The following PDE8B variants were observed in gnomAD, a reference collection of about 807,000 sequenced individuals.
PDE8B encodes the protein phosphodiesterase 8B.
A neutral mutation model predicts 101.3 loss-of-function variants in PDE8B; 26 were observed. That is an observed-to-expected ratio of 0.26 (90% confidence interval 0.19 to 0.36). PDE8B has a LOEUF of 0.36. PDE8B is among the 10% of genes least tolerant of loss of function. The pLI is 1.00. For synonymous variants in PDE8B, 424 were observed against 429.3 expected, an observed-to-expected ratio of 0.99 and a Z score of 0.15; for missense variants, 810 against 1,163.1, an observed-to-expected ratio of 0.70 and a Z score of 4.42.
At chr5:77,306,578 G>C (rs989867728) in intron 1 of PDE8B, among the ~76,000 whole-genome samples, 5 of 152,200 alleles carry the variant, frequency 3.3e-5, no homozygotes, top group African/African-American at 1.2e-4. Context: ...GTTAGCTGCT[G>C]AGGCAGGAAA....
intron 6 of PDE8B, among the ~76,000 whole-genome samples, chr5:77,340,624 TG>T (rs2150362004): frequency 1.3e-5 from 2 of 151,810 alleles, no homozygotes; most frequent in East Asian, 3.9e-4. Context: ...TGTGTGTGTG[TG>T]TGTGTGTGTG....
chr5:77,289,205 T>C (rs1164218631), intron 1 of PDE8B, among the ~76,000 whole-genome samples: 1 of 152,152 alleles, frequency 6.6e-6, no homozygotes, highest in East Asian at 1.9e-4. Context: ...AAACGTAAGG[T>C]GAAAAGGGAA....
At chr5:77,163,212 G>T in the PDE8B span, among the ~76,000 whole-genome samples, 1 of 152,172 alleles carries the variant, frequency 6.6e-6, no homozygotes, top group Non-Finnish European at 1.5e-5. Context: ...GGGGAACACA[G>T]CAATACAAGA....
upstream of PDE8B, among the ~76,000 whole-genome samples, chr5:77,208,851 C>T (rs547429151): frequency 5.3e-5 from 8 of 152,270 alleles, no homozygotes; most frequent in South Asian, 1.0e-3. Context: ...TAAAGGCCCA[C>T]CAGAACAACT....
At position 77,425,815 on chromosome 5, in the gene PDE8B, G is replaced by A. The variant is rs1797968996; in HGVS notation, c.2467G>A (p.Asp823Asn). The A allele has an allele frequency of 6.2e-7, 1 of 1,612,992 alleles. No homozygotes were observed. Among genetic ancestry groups the A allele is most frequent in the Non-Finnish European group, 8.5e-7 (1 of 1,179,094 alleles). The change falls in exon 21 of 22, where the codon GAC becomes AAC. Residue 823 changes from aspartate to asparagine, a missense_variant. Transcript: ENST00000264917. ...ACTACCTGTGGTGATGCCAGTGTTT[G>A]ACCGGAATACCTGTAGCATCCCCAA... ...QGLPVVMPVF[D>N]RNTCSIPKSQ...
At chr5:77,188,880 A>G in the PDE8B span, among the ~76,000 whole-genome samples, 1 of 152,198 alleles carries the variant, frequency 6.6e-6, no homozygotes, top group African/African-American at 2.4e-5. Flanking sequence ...CTGATGAGTA[A>G]GTCTGAGGGT....
intron 1 of PDE8B, among the ~76,000 whole-genome samples, chr5:77,217,649 C>T (rs1332792442): frequency 2.6e-5 from 4 of 152,014 alleles, no homozygotes; most frequent in Non-Finnish European, 5.9e-5. Flanking sequence ...TATCCTCCTG[C>T]CTCAGCCTCC....
At chr5:77,262,083 C>T (rs1760708523) in intron 1 of PDE8B, among the ~76,000 whole-genome samples, 1 of 152,016 alleles carries the variant, frequency 6.6e-6, no homozygotes, top group Non-Finnish European at 1.5e-5. Context: ...CCTTTATTCA[C>T]TTTACAAAGC....
intron 1 of PDE8B, among the ~76,000 whole-genome samples, chr5:77,281,081 C>A (rs1561463297): frequency 6.6e-6 from 1 of 152,192 alleles, no homozygotes; most frequent in Non-Finnish European, 1.5e-5. Flanking sequence ...ATGCGCAAGC[C>A]CCAGGCCACA....
Position 77,419,827 on chromosome 5 carries a change from A to G in PDE8B, c.2190A>G (p.Thr730=), listed in dbSNP as rs1796264844. The G allele has an allele frequency of 1.9e-6, 3 of 1,614,184 alleles. No individual in the cohort carries two copies. The highest frequency in any genetic ancestry group is 2.5e-6 in the Non-Finnish European group (3 of 1,179,990). ...ACATGGTTTTGGCAACAGAGATGAC[A>G]AAACACTTTGAACATGTGAATAAGT... is the stretch of plus-strand genomic sequence containing the variant. ...IIDMVLATEM[T]KHFEHVNKFV... is the part of the protein sequence containing the mutation. Residue 730 remains threonine, a synonymous_variant, in exon 19 of 22, where the codon ACA becomes ACG. Coordinates refer to ENST00000264917, the MANE Select transcript of PDE8B (RefSeq NM_003719.5).
chr5:77,220,299 G>T (rs1214587497), intron 1 of PDE8B, among the ~76,000 whole-genome samples: 2 of 152,204 alleles, frequency 1.3e-5, no homozygotes, highest in Non-Finnish European at 2.9e-5. Flanking sequence ...CCCTTGGGAG[G>T]AACAGGTGAG....
chr5:77,365,612 G>A (rs1783974240), intron 10 of PDE8B, among the ~76,000 whole-genome samples: 1 of 152,262 alleles, frequency 6.6e-6, no homozygotes, highest in African/African-American at 2.4e-5. Flanking sequence ...AGAAGCCATG[G>A]TGTTTGGGTA....
chr5:77,281,491 C>T (rs574522738), intron 1 of PDE8B, among the ~76,000 whole-genome samples: 1 of 152,214 alleles, frequency 6.6e-6, no homozygotes, highest in Non-Finnish European at 1.5e-5. Flanking sequence ...GCAGAAATCA[C>T]TCTTGCCTCT....
At position 77,351,171 on chromosome 5, in the gene PDE8B, A is replaced by G; in HGVS notation, c.1106+18A>G. The G allele has an allele frequency of 6.3e-7, 1 of 1,579,304 alleles. No homozygotes were observed. The highest frequency in any genetic ancestry group is 8.7e-7 in the Non-Finnish European group (1 of 1,148,370). On this transcript the variant is annotated intron_variant, in intron 9 of 21. Transcript: ENST00000264917. ...CAAGGAGGGTGAGAGCAAACTGTTC[A>G]ACTCTTTTAGCTGAAGATAAAGACT...
chr5:77,260,157 C>CA (rs66923234), intron 1 of PDE8B, among the ~76,000 whole-genome samples: 12,201 of 100,628 alleles, frequency 0.12, 738 homozygotes, highest in East Asian at 0.38. Flanking sequence ...AACTCCATCA[C>CA]AAAAAAAAAA....
intron 14 of PDE8B, among the ~76,000 whole-genome samples, chr5:77,410,226 G>T (rs567458430): frequency 6.6e-6 from 1 of 152,278 alleles, no homozygotes; most frequent in Non-Finnish European, 1.5e-5. Context: ...CTTGCAGAGC[G>T]GGGCTACCCC....
chr5:77,231,030 C>T (rs575101943), intron 1 of PDE8B, among the ~76,000 whole-genome samples: 1 of 152,282 alleles, frequency 6.6e-6, no homozygotes, highest in South Asian at 2.1e-4. Flanking sequence ...GCATTAACCC[C>T]AAATCATTGG....
the PDE8B span, among the ~76,000 whole-genome samples, chr5:77,201,905 C>T: frequency 9.2e-5 from 14 of 152,192 alleles, no homozygotes; most frequent in African/African-American, 3.4e-4. Context: ...AAGGTGCCAG[C>T]AGGGTAGGTG....
the PDE8B span, among the ~76,000 whole-genome samples, chr5:77,122,816 C>G: frequency 6.6e-6 from 1 of 152,078 alleles, no homozygotes; most frequent in East Asian, 1.9e-4. Flanking sequence ...AACTAGAAAA[C>G]TAAACAAAAT....
Sources: gnomAD v4.1 joint callset for allele counts (sites outside exome capture counted in the v4.1 genomes callset) on GRCh38, gnomAD v4.1.1 for gene constraint, MANE v1.5 for transcripts, NCBI Gene and HGNC (gene_info 2026-07-23, HGNC 2026-07-21) for gene names.